Variants in MFSD11 observed in about 807,000 individuals in gnomAD.
MFSD11 encodes UNC93-like protein MFSD11.
Under a neutral mutation model 53.5 loss-of-function variants are expected in MFSD11, and 36 were observed. The observed-to-expected ratio is 0.67, with a 90% confidence interval of 0.52 to 0.89. The LOEUF is 0.89. Ranked by LOEUF, MFSD11 falls within the 40% of genes least tolerant of loss-of-function variation. MFSD11 has a pLI of 0.00. For missense variants in MFSD11, 530 were observed against 543.9 expected, an observed-to-expected ratio of 0.97 and a Z score of 0.25; for synonymous variants, 186 against 184.9, an observed-to-expected ratio of 1.01 and a Z score of -0.05.
At chr17:76,784,023 A>T (rs566664894), downstream of MFSD11, among the ~76,000 whole-genome samples, 19 of 152,204 alleles carry the variant, frequency 1.2e-4, no homozygotes, top group Middle Eastern at 6.8e-3. Flanking sequence ...ACCCTTGTGC[A>T]CTGTGTGTGG....
intron 2 of MFSD11, among the ~76,000 whole-genome samples, chr17:76,740,695 C>T (rs1483717104): frequency 1.3e-5 from 2 of 152,140 alleles, no homozygotes; most frequent in Non-Finnish European, 2.9e-5. Flanking sequence ...GGCACAGTTC[C>T]TGTTACTATG....
rs1435195228 is a variant in MFSD11, at chr17:76,738,932, A to G, written c.97-6A>G. 1.9e-6 allele frequency: 3 copies of G among 1,613,716 alleles called. No homozygotes were observed. The Admixed American group carries it at 5.0e-5, about 27-fold the overall frequency. On this transcript the variant is annotated splice_region_variant and splice_polypyrimidine_tract_variant and intron_variant, in intron 1 of 12. Transcript: ENST00000685175. The stretch of plus-strand genomic sequence containing the variant: ...TTTTCGTTGATTAGTTTTATCTTCC[A>G]CACAGCAAACTGTCATCAGGAGCTT...
At chr17:76,780,292 G>C (rs1022417392), downstream of MFSD11, among the ~76,000 whole-genome samples, 9 of 151,898 alleles carry the variant, frequency 5.9e-5, no homozygotes, top group African/African-American at 2.2e-4. Context: ...TGCTTATTTT[G>C]AACATTTCAT....
rs751461732 is a variant in MFSD11 at position 76,738,960 on chromosome 17, A to G, written c.119A>G (p.Asn40Ser). The G allele has an allele frequency of 1.2e-6, 2 of 1,614,112 alleles. No individual in the cohort carries two copies. Among genetic ancestry groups the G allele is most frequent in the South Asian group, 1.1e-5 (1 of 91,076 alleles). ...NVAQTVIRSL[N>S]RTDFHGSGYT... Reference sequence around the variant, plus strand: ...CAGCAAACTGTCATCAGGAGCTTAAATAGGACAGATTTTCACGGCAGTGGA... The same window carrying G: ...CAGCAAACTGTCATCAGGAGCTTAAGTAGGACAGATTTTCACGGCAGTGGA... Residue 40 changes from asparagine to serine, a missense_variant, in exon 2 of 13, where the codon AAT becomes AGT. Transcript: ENST00000685175.
intron 9 of MFSD11, among the ~76,000 whole-genome samples, chr17:76,768,560 C>T (rs2081084900): frequency 6.6e-6 from 1 of 151,966 alleles, no homozygotes; most frequent in Non-Finnish European, 1.5e-5. Context: ...ATCAAGGTCC[C>T]CTACTGATTT....
chr17:76,771,479 T>C lies in MFSD11; in HGVS notation c.874+1608T>C, dbSNP rs915964869. Among the ~76,000 whole-genome samples, 32 of 152,206 alleles carry C rather than the reference T, an allele frequency of 2.1e-4. 1 individual carries two copies. Among genetic ancestry groups the C allele is most frequent in the African/African-American group, 7.5e-4 (31 of 41,446 alleles). ...ATTGTAATCTGTCATGTCAACAAAATAGACAAAAATACCTGCCCATATAGA... is the reference window on the plus strand; with the variant it reads ...ATTGTAATCTGTCATGTCAACAAAACAGACAAAAATACCTGCCCATATAGA... On this transcript the variant is annotated intron_variant, in intron 10 of 12. Transcript: ENST00000685175.
chr17:76,750,277 A>G (rs546503908), intron 7 of MFSD11, among the ~76,000 whole-genome samples: 1 of 150,950 alleles, frequency 6.6e-6, no homozygotes, highest in South Asian at 2.1e-4. Context: ...TCTAAATAGT[A>G]TTTGCTTCCG....
chr17:76,792,203 C>A, the MFSD11 span, among the ~76,000 whole-genome samples: 1 of 149,578 alleles, frequency 6.7e-6, no homozygotes, highest in Non-Finnish European at 1.5e-5. Flanking sequence ...ACTGCAACCT[C>A]TGCCTCTAGG....
At chr17:76,802,161 C>T in the MFSD11 span, among the ~76,000 whole-genome samples, 2 of 152,012 alleles carry the variant, frequency 1.3e-5, no homozygotes, top group Non-Finnish European at 2.9e-5. Flanking sequence ...ATCCCAGCTT[C>T]TCGGAAGGCT....
At chr17:76,759,837 A>G (rs1422865733) in intron 8 of MFSD11, among the ~76,000 whole-genome samples, 1 of 126,372 alleles carries the variant, frequency 7.9e-6, no homozygotes, top group Non-Finnish European at 1.6e-5. Flanking sequence ...CTGGTTTTGA[A>G]CTCCTGACCT....
chr17:76,756,804 G>A (rs1246787447), intron 8 of MFSD11, among the ~76,000 whole-genome samples: 1 of 151,262 alleles, frequency 6.6e-6, no homozygotes, highest in Admixed American at 6.6e-5. Flanking sequence ...AGGTTGCAGT[G>A]AGCCGAGATT....
At chr17:76,784,829 A>G (rs1046897642), downstream of MFSD11, among the ~76,000 whole-genome samples, 1 of 151,598 alleles carries the variant, frequency 6.6e-6, no homozygotes, top group Non-Finnish European at 1.5e-5. Flanking sequence ...AACCCAGGAG[A>G]CAGAGGTTAC....
the MFSD11 span, among the ~76,000 whole-genome samples, chr17:76,798,227 A>C: frequency 6.6e-6 from 1 of 152,106 alleles, no homozygotes; most frequent in Non-Finnish European, 1.5e-5. Flanking sequence ...TTTATTGTAG[A>C]GGATACAACT....
intron 7 of MFSD11, among the ~76,000 whole-genome samples, chr17:76,745,790 A>G (rs1332292562): frequency 2.0e-5 from 3 of 150,064 alleles, no homozygotes; most frequent in Non-Finnish European, 4.4e-5. Context: ...GAAGACATGC[A>G]TGTCTCTCAC....
intron 8 of MFSD11, among the ~76,000 whole-genome samples, chr17:76,766,380 C>G (rs1324668509): frequency 3.4e-5 from 5 of 146,650 alleles, no homozygotes; most frequent in Admixed American, 1.4e-4. Flanking sequence ...GATCGCGCCA[C>G]TCTACTCCAG....
At chr17:76,766,950 G>C (rs1474417030) in intron 8 of MFSD11, 1 of 157,298 alleles carries the variant, frequency 6.4e-6, no homozygotes, top group East Asian at 1.9e-4. Flanking sequence ...CCCAGCTTCT[G>C]TATGGCCAAA....
intron 8 of MFSD11, among the ~76,000 whole-genome samples, chr17:76,759,730 T>A (rs1054578956): frequency 4.1e-5 from 6 of 145,846 alleles, no homozygotes; most frequent in African/African-American, 1.0e-4. Flanking sequence ...GTGCTGGGAT[T>A]ACAGGTGTGA....
the MFSD11 span, among the ~76,000 whole-genome samples, chr17:76,797,798 C>G: frequency 2.0e-5 from 3 of 152,122 alleles, no homozygotes; most frequent in African/African-American, 7.2e-5. Context: ...GTCCATACTT[C>G]TTACTGACCA....
intron 7 of MFSD11, among the ~76,000 whole-genome samples, chr17:76,753,615 G>A (rs928827936): frequency 2.9e-4 from 44 of 150,246 alleles, no homozygotes; most frequent in African/African-American, 5.1e-4. Flanking sequence ...CTGAGCCTGC[G>A]AGGTGGGGGT....
Sources: allele counts gnomAD v4.1 joint callset (sites outside exome capture counted in the v4.1 genomes callset), GRCh38; gene constraint gnomAD v4.1.1; transcripts MANE v1.5; gene names NCBI Gene and HGNC (gene_info 2026-07-23, HGNC 2026-07-21).